Variants in BAZ1A observed in about 807,000 individuals in gnomAD.
The protein encoded by BAZ1A is bromodomain adjacent to zinc finger domain protein 1A.
BAZ1A carries 50 observed loss-of-function variants against 185.2 expected under a neutral mutation model. The ratio of observed to expected loss-of-function variants is 0.27; its 90% CI spans 0.22 to 0.34. The LOEUF (loss-of-function observed/expected upper bound fraction) is 0.34. Ranked by LOEUF, BAZ1A falls within the 10% of genes least tolerant of loss-of-function variation. The pLI is 1.00. For synonymous variants in BAZ1A, 571 were observed against 615.6 expected, an observed-to-expected ratio of 0.93 and a Z score of 1.07; for missense variants, 1,356 against 1,839.9, an observed-to-expected ratio of 0.74 and a Z score of 4.81.
intron 3 of BAZ1A, among the ~76,000 whole-genome samples, chr14:34,856,155 T>TA (rs1566599311): frequency 6.6e-6 from 1 of 152,214 alleles, no homozygotes; most frequent in Non-Finnish European, 1.5e-5. Flanking sequence ...TATTCAGTGT[T>TA]AGTTAAGTGT....
At chr14:34,790,810 A>C (rs1258560999) in intron 12 of BAZ1A, among the ~76,000 whole-genome samples, 1 of 152,172 alleles carries the variant, frequency 6.6e-6, no homozygotes, top group African/African-American at 2.4e-5. Context: ...CTTATTTAAA[A>C]AACTCATAGA....
chr14:34,803,272 G>A (rs1594856717), intron 6 of BAZ1A, among the ~76,000 whole-genome samples: 5 of 151,676 alleles, frequency 3.3e-5, no homozygotes, highest in South Asian at 2.1e-4. Context: ...CCAGGTACTC[G>A]GGAGGCTGAG....
At chr14:34,782,639 T>C (rs919944580) in intron 16 of BAZ1A, among the ~76,000 whole-genome samples, 1 of 152,208 alleles carries the variant, frequency 6.6e-6, no homozygotes, top group African/African-American at 2.4e-5. Context: ...ACACAAGTAT[T>C]AAAAAGTCAA....
chr14:34,837,285 A>T (rs2042345365), intron 3 of BAZ1A, among the ~76,000 whole-genome samples: 1 of 151,912 alleles, frequency 6.6e-6, no homozygotes, highest in Non-Finnish European at 1.5e-5. Flanking sequence ...TCTGTTGCCC[A>T]GGCTGGCGTG....
At chr14:34,836,015 G>A (rs554163712) in intron 3 of BAZ1A, among the ~76,000 whole-genome samples, 22 of 151,618 alleles carry the variant, frequency 1.5e-4, no homozygotes, top group African/African-American at 2.4e-4. Flanking sequence ...TATACCTTCC[G>A]CTAAAAAGCT....
At chr14:34,841,754 T>C (rs1444992338) in intron 3 of BAZ1A, among the ~76,000 whole-genome samples, 1 of 152,184 alleles carries the variant, frequency 6.6e-6, no homozygotes, top group African/African-American at 2.4e-5. Flanking sequence ...GTATTTCACT[T>C]ATCCTTGCCT....
chr14:34,780,029 A>G (rs1879933884), intron 17 of BAZ1A, 157 bp downstream of exon 17: 3 of 864,122 alleles, frequency 3.5e-6, no homozygotes, highest in Non-Finnish European at 5.4e-6. Flanking sequence ...CATTTTTACA[A>G]CTCATCACAG....
chr14:34,757,853 TCTC>T (rs1314118648), intron 25 of BAZ1A, among the ~76,000 whole-genome samples: 2 of 149,684 alleles, frequency 1.3e-5, no homozygotes, highest in Admixed American at 1.3e-4. Context: ...TTCAAGTAAT[TCTC>T]CTGCCTCAGC....
At chr14:34,858,490 T>C (rs1005850305) in intron 3 of BAZ1A, among the ~76,000 whole-genome samples, 5 of 152,124 alleles carry the variant, frequency 3.3e-5, no homozygotes, top group Non-Finnish European at 7.4e-5. Context: ...AATTTTTGTA[T>C]TTTTTGTAGA....
In BAZ1A at chr14:34,761,933, C is replaced by G; in HGVS notation, c.4067G>C (p.Arg1356Thr). 6.2e-7 allele frequency: 1 copy of G among 1,614,194 alleles called. No individual in the cohort carries two copies. Among genetic ancestry groups the G allele is most frequent in the Non-Finnish European group, 8.5e-7 (1 of 1,180,038 alleles). The change falls in exon 24 of 27, where the codon AGA becomes ACA. Residue 1356 changes from arginine (R) to threonine (T), a missense_variant. By Grantham distance (71) the Arg-to-Thr change is moderately conservative. Around this residue, in one of 7 missense-constraint regions of BAZ1A, gnomAD observed 309 missense variants for 355.3 expected, o/e 0.87. Coordinates refer to ENST00000360310, the MANE Select transcript of BAZ1A (RefSeq NM_013448.3). The part of the protein sequence containing the change: ...DVFVELLSPR[R>T]KRRGRKSANN... Reference sequence around the variant, plus strand: ...AGCACTTTTCCTGCCTCTGCGTTTTCTACGAGGACTAAGCAATTCCACAAA... The same window carrying G: ...AGCACTTTTCCTGCCTCTGCGTTTTGTACGAGGACTAAGCAATTCCACAAA...
chr14:34,835,669 A>AGT (rs1414111594), intron 3 of BAZ1A, among the ~76,000 whole-genome samples: 2 of 150,118 alleles, frequency 1.3e-5, no homozygotes, highest in East Asian at 3.9e-4. Context: ...ACATGGAAAT[A>AGT]GTTTTTTTTT....
chr14:34,777,404 G>C (rs1478525869), intron 17 of BAZ1A, among the ~76,000 whole-genome samples: 2 of 152,226 alleles, frequency 1.3e-5, no homozygotes, highest in Non-Finnish European at 2.9e-5. Flanking sequence ...AGAACTTTGG[G>C]AGGCCGAGGT....
chr14:34,855,723 T>C (rs1437192604), intron 3 of BAZ1A, among the ~76,000 whole-genome samples: 1 of 152,084 alleles, frequency 6.6e-6, no homozygotes, highest in Non-Finnish European at 1.5e-5. Flanking sequence ...CGAAACCCTG[T>C]CTCTACAAAA....
At position 34,874,250 on chromosome 14, in the gene BAZ1A, G is replaced by C; in HGVS notation, c.113+242C>G. 7.3e-6 allele frequency: 3 copies of C among 411,012 alleles called. No homozygotes were observed. Among genetic ancestry groups the C allele is most frequent in the Non-Finnish European group, 1.3e-5 (3 of 228,808 alleles). The allele number at this position is 411,012 out of a possible 1,614,324, so 25.5% of individuals were successfully genotyped here. Reference sequence around the variant, plus strand: ...GCGGCTAGGAGCGGTCCCCGAGGCCGGCCAGGGACCCAGCCTCCTCCGCCA... The same window carrying C: ...GCGGCTAGGAGCGGTCCCCGAGGCCCGCCAGGGACCCAGCCTCCTCCGCCA... On this transcript the variant is annotated intron_variant, in intron 2 of 26. Coordinates refer to ENST00000360310, the MANE Select transcript of BAZ1A (RefSeq NM_013448.3). The surrounding 1 kb of genome is among the most constrained non-coding windows in gnomAD (Gnocchi z 4.7).
chr14:34,844,777 G>GCA (rs4007479), intron 3 of BAZ1A, among the ~76,000 whole-genome samples: 6,313 of 86,680 alleles, frequency 0.073, 295 homozygotes, highest in East Asian at 0.37. Flanking sequence ...ACACACACGC[G>GCA]CACACACACA....
Position 34,776,342 on chromosome 14 carries a change from G to C in BAZ1A, c.2410C>G (p.Pro804Ala). Residue 804 changes from proline to alanine, a missense_variant, in exon 18 of 27, where the codon CCC (proline) becomes GCC (alanine). By Grantham distance (27) the Pro-to-Ala change is conservative. Coordinates refer to ENST00000360310, the MANE Select transcript of BAZ1A (RefSeq NM_013448.3). The stretch of plus-strand genomic sequence containing the variant: ...CTATACATGCGGTCGCGACCCAAGG[G>C]AAAGATATTGGTACAGGCTATGGCA... ...QSAIACTNIF[P>A]LGRDRMYRRY... is the part of the protein sequence containing the mutation. The C allele has an allele frequency of 1.2e-6, 2 of 1,614,132 alleles. No individual in the cohort carries two copies. The highest frequency in any genetic ancestry group is 1.7e-6 in the Non-Finnish European group (2 of 1,180,022).
intron 3 of BAZ1A, among the ~76,000 whole-genome samples, chr14:34,831,899 G>T (rs2042247033): frequency 6.6e-6 from 1 of 152,058 alleles, no homozygotes; most frequent in Admixed American, 6.6e-5. Context: ...AATAAAAAAG[G>T]TTATAAGAGA....
intron 4 of BAZ1A, 83 bp from the exon 5 acceptor site, chr14:34,811,119 T>C (rs1364035407): frequency 1.0e-5 from 10 of 973,988 alleles, no homozygotes; most frequent in South Asian, 1.5e-5. Flanking sequence ...TCTAAGAATA[T>C]ACTATAATAA....
intron 7 of BAZ1A, 75 bp downstream of exon 7, chr14:34,802,779 G>A (rs1881635362): frequency 1.1e-5 from 16 of 1,467,454 alleles, no homozygotes; most frequent in Admixed American, 2.0e-5. Context: ...TGTGAGGGGA[G>A]ACAAACATAC....
Sources: allele counts gnomAD v4.1 joint callset (sites outside exome capture counted in the v4.1 genomes callset), GRCh38; gene constraint gnomAD v4.1.1; regional missense constraint gnomAD v4.1.1; non-coding constraint Gnocchi (gnomAD v3.1); transcripts MANE v1.5; gene names NCBI Gene and HGNC (gene_info 2026-07-23, HGNC 2026-07-21).